Variants in SPATA6 observed in about 807,000 individuals in gnomAD.
SPATA6 encodes the protein spermatogenesis-associated protein 6.
SPATA6 carries 56 observed loss-of-function variants against 65.3 expected under a neutral mutation model. The observed-to-expected ratio is 0.86, with a 90% CI of 0.69 to 1.07. SPATA6 has a LOEUF of 1.07. SPATA6 is among the 50% of genes least tolerant of loss of function. SPATA6 has a pLI of 0.00. For synonymous variants in SPATA6, 199 were observed against 213.2 expected (o/e 0.93, Z 0.58); for missense variants, 590 against 594.8 (o/e 0.99, Z 0.08).
At chr1:48,398,513 A>C (rs1017571134) in intron 7 of SPATA6, among the ~76,000 whole-genome samples, 1 of 151,786 alleles carries the variant, frequency 6.6e-6, no homozygotes, top group African/African-American at 2.4e-5. Flanking sequence ...AAATATTTTT[A>C]TAGATATCCC....
At chr1:48,342,342 G>T (rs1646241372) in intron 11 of SPATA6, among the ~76,000 whole-genome samples, 1 of 152,142 alleles carries the variant, frequency 6.6e-6, no homozygotes, top group African/African-American at 2.4e-5. Context: ...TTAATCAAAA[G>T]AAATCAGATA....
intron 11 of SPATA6, among the ~76,000 whole-genome samples, chr1:48,324,540 T>A (rs1645698583): frequency 6.6e-6 from 1 of 152,074 alleles, no homozygotes. Flanking sequence ...TGGTTCAACA[T>A]AAGCAAATCA....
chr1:48,413,825 A>G (rs1405641167), intron 3 of SPATA6, among the ~76,000 whole-genome samples: 1 of 152,168 alleles, frequency 6.6e-6, no homozygotes, highest in South Asian at 2.1e-4. Flanking sequence ...ATTTTATGCT[A>G]TATGTATTAC....
At chr1:48,367,980 G>C (rs1171911723) in intron 9 of SPATA6, among the ~76,000 whole-genome samples, 1 of 152,116 alleles carries the variant, frequency 6.6e-6, no homozygotes, top group Non-Finnish European at 1.5e-5. Flanking sequence ...AGCTCTTTTA[G>C]GGCAGGCGTG....
chr1:48,376,781 C>A (rs112866516), intron 9 of SPATA6, among the ~76,000 whole-genome samples: 1 of 152,226 alleles, frequency 6.6e-6, no homozygotes, highest in Admixed American at 6.5e-5. Context: ...CTACAACATA[C>A]CTAGGCTATA....
intron 5 of SPATA6, among the ~76,000 whole-genome samples, chr1:48,407,106 TC>T (rs1285983176): frequency 2.0e-5 from 3 of 152,224 alleles, no homozygotes; most frequent in Non-Finnish European, 4.4e-5. Context: ...GTATTTCTAT[TC>T]TTTGATTCTT....
At chr1:48,426,404 C>T (rs904568458) in intron 3 of SPATA6, among the ~76,000 whole-genome samples, 11 of 152,074 alleles carry the variant, frequency 7.2e-5, no homozygotes, top group Admixed American at 7.2e-4. Flanking sequence ...ACTGACCACC[C>T]AGGGTTCCTG....
chr1:48,435,042 G>C (rs1052112073), intron 3 of SPATA6, among the ~76,000 whole-genome samples: 15 of 151,350 alleles, frequency 9.9e-5, no homozygotes, highest in African/African-American at 3.6e-4. Flanking sequence ...TATCTCCCTA[G>C]AGCCTGAGGT....
chr1:48,290,519 G>T (rs1418268249), downstream of SPATA6, among the ~76,000 whole-genome samples: 5 of 152,100 alleles, frequency 3.3e-5, no homozygotes, highest in Non-Finnish European at 7.3e-5. Flanking sequence ...ATGTAAATGG[G>T]CTAAATGCTC....
intron 3 of SPATA6, among the ~76,000 whole-genome samples, chr1:48,428,158 A>G (rs1030636388): frequency 6.6e-6 from 1 of 152,168 alleles, no homozygotes; most frequent in African/African-American, 2.4e-5. Context: ...AAGCCTTAAT[A>G]ATAACATAAA....
chr1:48,301,041 G>C (rs543241459), intron 12 of SPATA6, among the ~76,000 whole-genome samples: 51 of 152,104 alleles, frequency 3.4e-4, no homozygotes, highest in African/African-American at 1.1e-3. Flanking sequence ...GTCCTAGCCA[G>C]AGCAATTAGG....
At chr1:48,275,883 G>A in the SPATA6 span, among the ~76,000 whole-genome samples, 1 of 152,120 alleles carries the variant, frequency 6.6e-6, no homozygotes, top group South Asian at 2.1e-4. Flanking sequence ...TTTTTCTATT[G>A]TTTGGAATCG....
chr1:48,265,428 CAT>C, the SPATA6 span, among the ~76,000 whole-genome samples: 1 of 150,784 alleles, frequency 6.6e-6, no homozygotes, highest in Admixed American at 6.6e-5. Flanking sequence ...AAAGGTTAGT[CAT>C]GGATAAACCA....
chr1:48,412,650 G>A (rs375110507), intron 4 of SPATA6, among the ~76,000 whole-genome samples: 1 of 151,950 alleles, frequency 6.6e-6, no homozygotes, highest in African/African-American at 2.4e-5. Flanking sequence ...ACGGAGTCTC[G>A]CTCTGTCACC....
chr1:48,369,181 G>A (rs996251964), intron 9 of SPATA6, among the ~76,000 whole-genome samples: 1 of 152,172 alleles, frequency 6.6e-6, no homozygotes, highest in African/African-American at 2.4e-5. Context: ...ACCCGGCCGT[G>A]TGAGGTGTCA....
intron 11 of SPATA6, among the ~76,000 whole-genome samples, chr1:48,314,855 G>A (rs1054533689): frequency 4.6e-5 from 7 of 152,126 alleles, no homozygotes; most frequent in Non-Finnish European, 1.0e-4. Flanking sequence ...AAATGATAAA[G>A]GGGATATCAC....
Position 48,364,390 on chromosome 1 carries a change from A to G in SPATA6, c.910-4620T>C, listed in dbSNP as rs570402460. 3.3e-5 allele frequency among the ~76,000 whole-genome samples: 5 copies of G among 152,344 alleles called. No homozygotes were observed. In the East Asian group the frequency reaches 9.6e-4, roughly 29 times the overall value. On this transcript the variant is annotated intron_variant, in intron 9 of 12. Transcript: ENST00000371847. ...AGGAATCGCCACACTGACTTCCACA[A>G]TGGTTGAACTAGTTTACAGTCCCAC...
chr1:48,469,665 G>C (rs1658082437), intron 1 of SPATA6, among the ~76,000 whole-genome samples: 1 of 151,792 alleles, frequency 6.6e-6, no homozygotes, highest in Admixed American at 6.6e-5. Flanking sequence ...AATGTAAAAA[G>C]GAAATAGACA....
chr1:48,321,236 A>C (rs943321829), intron 11 of SPATA6, among the ~76,000 whole-genome samples: 1 of 152,082 alleles, frequency 6.6e-6, no homozygotes, highest in Non-Finnish European at 1.5e-5. Flanking sequence ...AATAAATTAA[A>C]AACAACAACA....
Sources: allele counts gnomAD v4.1 joint callset (sites outside exome capture counted in the v4.1 genomes callset), GRCh38; gene constraint gnomAD v4.1.1; transcripts MANE v1.5; gene names NCBI Gene and HGNC (gene_info 2026-07-23, HGNC 2026-07-21).